The following DPYD variants were observed in gnomAD, a reference collection of about 807,000 sequenced individuals.
DPYD encodes the protein dihydropyrimidine dehydrogenase [NADP(+)].
In DPYD, 109 loss-of-function variants were observed where a neutral mutation model predicts 116.2. The ratio of observed to expected loss-of-function variants is 0.94; its 90% confidence interval spans 0.80 to 1.10. The LOEUF is 1.10. Among genes scored for constraint, DPYD ranks in the 50% least tolerant of loss-of-function variants. The pLI is 0.00. For synonymous variants in DPYD, 440 were observed against 432.0 expected (o/e 1.02, Z -0.23); for missense variants, 1,302 against 1,254.5 (o/e 1.04, Z -0.57).
At chr1:97,689,695 A>G (rs931641698) in intron 7 of DPYD, among the ~76,000 whole-genome samples, 3 of 152,036 alleles carry the variant, frequency 2.0e-5, no homozygotes, top group Non-Finnish European at 4.4e-5. Context: ...AAATTATAAA[A>G]AGAACCTCCG....
At chr1:97,618,338 T>C (rs905698689) in intron 8 of DPYD, among the ~76,000 whole-genome samples, 1 of 151,910 alleles carries the variant, frequency 6.6e-6, no homozygotes, top group African/African-American at 2.4e-5. Context: ...TATTACTTGA[T>C]TCATTAGACA....
At position 97,575,868 on chromosome 1, in the gene DPYD, A is replaced by G. The variant is rs951181762; in HGVS notation, c.1129-1898T>C. ...TAAAATGCCTAAAGCAGAATTTAGC[A>G]TATAGAAGGCTATGTACTCATAGTT... On this transcript the variant is annotated intron_variant, in intron 10 of 22. Transcript: ENST00000370192. Among the ~76,000 whole-genome samples the G allele has an allele frequency of 2.0e-5, 3 of 152,352 alleles. 1 individual carries two copies. Among genetic ancestry groups the G allele is most frequent in the South Asian group, 4.1e-4 (2 of 4,832 alleles).
At chr1:97,485,550 A>G (rs4950038) in intron 13 of DPYD, among the ~76,000 whole-genome samples, 1 of 151,906 alleles carries the variant, frequency 6.6e-6, no homozygotes, top group African/African-American at 2.4e-5. Flanking sequence ...ATGTCATTTA[A>G]TATTTTATTC....
intron 8 of DPYD, among the ~76,000 whole-genome samples, chr1:97,617,259 C>T (rs1480297170): frequency 6.6e-6 from 1 of 152,086 alleles, no homozygotes; most frequent in South Asian, 2.1e-4. Flanking sequence ...ATCAGAACCA[C>T]AAGACTGTTC....
intron 14 of DPYD, among the ~76,000 whole-genome samples, chr1:97,388,046 G>A (rs56401000): frequency 0.19 from 29,196 of 152,044 alleles, 2,979 homozygotes; most frequent in South Asian, 0.37. Flanking sequence ...GAAATAATGT[G>A]GCTTTCATAA....
At chr1:97,491,491 T>C (rs935345710) in intron 13 of DPYD, among the ~76,000 whole-genome samples, 1 of 151,952 alleles carries the variant, frequency 6.6e-6, no homozygotes, top group African/African-American at 2.4e-5. Flanking sequence ...TTCATTTCCT[T>C]TTTTAAGCTG....
chr1:97,699,494 T>A lies in DPYD; in HGVS notation c.537A>T (p.Pro179=). 2 of 1,613,522 alleles carry A rather than the reference T, an allele frequency of 1.2e-6. No individual in the cohort carries two copies. The highest frequency in any genetic ancestry group is 1.7e-6 in the Non-Finnish European group (2 of 1,179,596). ...CAGAATAGGCTTCAGACATTTTTTC[T>A]GGGGGAGGCAGCGAAGGATTTCTGA... The part of the protein sequence containing the change: ...PQIRNPSLPP[P]EKMSEAYSAK... The change falls in exon 6 of 23, where the codon CCA becomes CCT. Residue 179 remains proline (P), a synonymous_variant. Transcript: ENST00000370192.
intron 3 of DPYD, among the ~76,000 whole-genome samples, chr1:97,786,372 T>A (rs1667028198): frequency 6.6e-6 from 1 of 152,214 alleles, no homozygotes; most frequent in African/African-American, 2.4e-5. Context: ...TGACGTGTAA[T>A]TGGCCTTCAC....
At chr1:97,638,177 T>C (rs1275137151) in intron 8 of DPYD, among the ~76,000 whole-genome samples, 1 of 152,128 alleles carries the variant, frequency 6.6e-6, no homozygotes, top group African/African-American at 2.4e-5. Flanking sequence ...GAGAATCACA[T>C]GCATAACATT....
At chr1:97,323,525 C>CAT (rs71960210) in intron 16 of DPYD, among the ~76,000 whole-genome samples, 75 of 106,526 alleles carry the variant, frequency 7.0e-4, no homozygotes, top group African/African-American at 2.3e-3. Context: ...TATATATACA[C>CAT]ATATATATAC....
At chr1:97,598,726 C>A (rs1655051502) in intron 8 of DPYD, among the ~76,000 whole-genome samples, 2 of 151,978 alleles carry the variant, frequency 1.3e-5, no homozygotes, top group East Asian at 3.9e-4. Context: ...AATGCCTGGC[C>A]CCCAGGTGAT....
intron 21 of DPYD, among the ~76,000 whole-genome samples, chr1:97,085,280 C>T (rs1263834050): frequency 6.6e-6 from 1 of 152,184 alleles, no homozygotes; most frequent in Non-Finnish European, 1.5e-5. Context: ...AGGCAGTCAA[C>T]AAGTGTATAA....
chr1:97,187,506 A>G (rs1658078990), intron 20 of DPYD, among the ~76,000 whole-genome samples: 1 of 151,714 alleles, frequency 6.6e-6, no homozygotes, highest in Non-Finnish European at 1.5e-5. Context: ...GTTTGAATAT[A>G]TTTTCTCCTA....
intron 20 of DPYD, among the ~76,000 whole-genome samples, chr1:97,177,595 GAT>G (rs10645994): frequency 6.8e-6 from 1 of 147,438 alleles, no homozygotes; most frequent in African/African-American, 2.5e-5. Context: ...ATTCCTATAA[GAT>G]ATATATATCC....
At chr1:97,895,581 G>A (rs965514947) in intron 1 of DPYD, among the ~76,000 whole-genome samples, 2 of 151,776 alleles carry the variant, frequency 1.3e-5, no homozygotes, top group East Asian at 2.0e-4. Context: ...GAACTGATAT[G>A]ATAAAAATGA....
In DPYD at chr1:97,729,635, C is replaced by A. The variant is rs534689819; in HGVS notation, c.322-7964G>T. 1.9e-3 allele frequency among the ~76,000 whole-genome samples: 296 copies of A among 151,922 alleles called. 2 individuals carry two copies. Among genetic ancestry groups the A allele is most frequent in the South Asian group, 0.017 (80 of 4,814 alleles). On this transcript the variant is annotated intron_variant, in intron 4 of 22. Transcript: ENST00000370192. ...TACAGAAAATCACTAATCTACCAAACCATAAAATATCAATGACATGGGGGC... is the reference window on the plus strand; with the variant it reads ...TACAGAAAATCACTAATCTACCAAAACATAAAATATCAATGACATGGGGGC...
At chr1:97,401,120 G>A (rs1673352126) in intron 14 of DPYD, among the ~76,000 whole-genome samples, 1 of 151,992 alleles carries the variant, frequency 6.6e-6, no homozygotes, top group Non-Finnish European at 1.5e-5. Context: ...TCTTTGATGA[G>A]GTGTCCGTTA....
intron 20 of DPYD, among the ~76,000 whole-genome samples, chr1:97,104,454 C>A (rs185029156): frequency 2.0e-5 from 3 of 152,118 alleles, no homozygotes; most frequent in East Asian, 3.9e-4. Context: ...TAGTGTGTGA[C>A]CTTAAAGAGA....
rs542120135 is a variant in DPYD at position 97,287,508 on chromosome 1, T to G, written c.2299+17751A>C. ...TGCAGAGGTTACTGCTGTCTTTTTG[T>G]TTGTCTGTGCCCTGCCCCCAGAGGT... On this transcript the variant is annotated intron_variant, in intron 18 of 22. Coordinates refer to ENST00000370192, the MANE Select transcript of DPYD (RefSeq NM_000110.4). Among the ~76,000 whole-genome samples the G allele has an allele frequency of 2.0e-5, 3 of 152,282 alleles. No homozygotes were observed. In the South Asian group the frequency reaches 6.2e-4, roughly 32 times the overall value.
Sources: allele counts gnomAD v4.1 joint callset (sites outside exome capture counted in the v4.1 genomes callset), GRCh38; gene constraint gnomAD v4.1.1; transcripts MANE v1.5; gene names NCBI Gene and HGNC (gene_info 2026-07-23, HGNC 2026-07-21).